Variants in SLC35D2 observed in about 807,000 individuals in gnomAD.
SLC35D2 encodes nucleotide sugar transporter SLC35D2.
SLC35D2 carries 43 observed loss-of-function variants against 41.8 expected under a neutral mutation model. That is an observed-to-expected ratio of 1.03 (90% CI 0.81 to 1.33). SLC35D2 has a LOEUF of 1.33. Ranked by LOEUF, SLC35D2 falls within the 40% of genes most tolerant of loss-of-function variation. The probability of loss-of-function intolerance (pLI) is 0.00; values close to 1 mark genes in which losing one functional copy is unlikely to be tolerated. For synonymous variants in SLC35D2, 150 were observed against 163.9 expected (o/e 0.92, Z 0.65); for missense variants, 380 against 408.4 (o/e 0.93, Z 0.60).
intron 6 of SLC35D2, among the ~76,000 whole-genome samples, chr9:96,350,346 C>CTTTTTTT (rs1564107383): frequency 4.6e-5 from 6 of 130,534 alleles, no homozygotes; most frequent in African/African-American, 2.0e-4. Flanking sequence ...AATTTTCTTT[C>CTTTTTTT]CTTTTTTTTT....
chr9:96,350,492 C>A (rs1456262119), intron 6 of SLC35D2, among the ~76,000 whole-genome samples: 1 of 151,766 alleles, frequency 6.6e-6, no homozygotes, highest in Non-Finnish European at 1.5e-5. Flanking sequence ...CCACACCCAG[C>A]CTGGAGCTAA....
chr9:96,354,569 C>T (rs1485016491), intron 4 of SLC35D2, among the ~76,000 whole-genome samples: 1 of 151,984 alleles, frequency 6.6e-6, no homozygotes, highest in East Asian at 1.9e-4. Context: ...GAGTTCAAGA[C>T]CAGCCTGGCC....
At chr9:96,383,191 C>T (rs1831281437) in intron 1 of SLC35D2, among the ~76,000 whole-genome samples, 1 of 152,148 alleles carries the variant, frequency 6.6e-6, no homozygotes, top group Admixed American at 6.5e-5. Flanking sequence ...TTTCAGCTCG[C>T]TGGGTGTATG....
intron 1 of SLC35D2, among the ~76,000 whole-genome samples, chr9:96,378,307 C>A (rs969238710): frequency 4.6e-5 from 7 of 151,760 alleles, no homozygotes; most frequent in Non-Finnish European, 1.0e-4. Context: ...ATGGTGTGCA[C>A]CTGCAGTCCC....
At chr9:96,361,960 A>T (rs922210268) in intron 3 of SLC35D2, among the ~76,000 whole-genome samples, 2 of 152,246 alleles carry the variant, frequency 1.3e-5, no homozygotes, top group Non-Finnish European at 2.9e-5. Context: ...CATGTACGCC[A>T]GGGTCCAACT....
At chr9:96,340,149 G>C (rs989511016) in intron 8 of SLC35D2, among the ~76,000 whole-genome samples, 4 of 152,070 alleles carry the variant, frequency 2.6e-5, no homozygotes, top group African/African-American at 9.7e-5. Flanking sequence ...CATTCAAAAG[G>C]GACCAATGGG....
Position 96,383,467 on chromosome 9 carries a change from C to T in SLC35D2, c.158+10G>A, listed in dbSNP as rs779370416. On this transcript the variant is annotated intron_variant, in intron 1 of 11. Transcript: ENST00000253270. ...TCCCGCAGACCCCCCGGCCCCGGGCCCCGCCTCACCCGTAGGTGGTCAGCA... is the reference window on the plus strand; with the variant it reads ...TCCCGCAGACCCCCCGGCCCCGGGCTCCGCCTCACCCGTAGGTGGTCAGCA... 1.3e-6 allele frequency: 2 copies of T among 1,530,092 alleles called. No homozygotes were observed. The highest frequency in any genetic ancestry group is 2.0e-5 in the Admixed American group (1 of 50,132). The allele number at this position is 1,530,092 out of a possible 1,614,324, so 94.8% of individuals were successfully genotyped here.
At chr9:96,379,366 T>TC (rs34183755) in intron 1 of SLC35D2, among the ~76,000 whole-genome samples, 1 of 151,808 alleles carries the variant, frequency 6.6e-6, no homozygotes, top group South Asian at 2.1e-4. Context: ...GCCCTTATTT[T>TC]CCCCTCTCGC....
chr9:96,333,508 T>C (rs1828905952), intron 9 of SLC35D2, among the ~76,000 whole-genome samples: 1 of 144,612 alleles, frequency 6.9e-6, no homozygotes, highest in Admixed American at 7.2e-5. Flanking sequence ...GGCAGGAGAA[T>C]GGCGTGAACT....
exon 12 of SLC35D2, chr9:96,314,552 A>C (rs1828005218): frequency 6.6e-6 from 1 of 152,158 alleles, no homozygotes; most frequent in Admixed American, 6.5e-5. Context: ...GAATACATGG[A>C]CACAGGGAGG....
Position 96,379,940 on chromosome 9 carries a change from C to G in SLC35D2, c.158+3537G>C, listed in dbSNP as rs141578593. Reference sequence around the variant, plus strand: ...TGAGACAGAGTCTCACTCTGTCACCCAGGCTGGAGTGCGATGGCGTGGTCT... The same window carrying G: ...TGAGACAGAGTCTCACTCTGTCACCGAGGCTGGAGTGCGATGGCGTGGTCT... On this transcript the variant is annotated intron_variant, in intron 1 of 11. Coordinates refer to ENST00000253270, the MANE Select transcript of SLC35D2 (RefSeq NM_007001.3). 2.8e-3 allele frequency among the ~76,000 whole-genome samples: 427 copies of G among 150,858 alleles called. 4 individuals are homozygous for G. Among genetic ancestry groups the G allele is most frequent in the Admixed American group, 4.8e-3 (72 of 15,084 alleles).
chr9:96,383,567 G>C lies in SLC35D2; in HGVS notation c.68C>G (p.Ser23Trp). ...GGEPGAARLP[S>W]RVARLLSALF... ...CGCCGACAGCAGCCGGGCCACCCGC[G>C]AGGGCAGCCGCGCCGCGCCGGGCTC... Residue 23 changes from serine (S) to tryptophan (W), a missense_variant, in exon 1 of 12, where the codon TCG (serine) becomes TGG (tryptophan). Ser to Trp is a radical substitution (Grantham distance 177). Transcript: ENST00000253270. 1 of 1,485,928 alleles carries C rather than the reference G, an allele frequency of 6.7e-7. No individual in the cohort carries two copies. The highest frequency in any genetic ancestry group is 8.9e-7 in the Non-Finnish European group (1 of 1,117,476). The allele number at this position is 1,485,928 out of a possible 1,614,324, so 92.0% of individuals were successfully genotyped here. A position where few individuals can be genotyped will look rare whatever the true frequency, so the allele number is the denominator to read the frequency against.
chr9:96,330,407 C>T (rs1404880844), intron 9 of SLC35D2, among the ~76,000 whole-genome samples: 1 of 152,182 alleles, frequency 6.6e-6, no homozygotes, highest in Non-Finnish European at 1.5e-5. Flanking sequence ...CTCCACAATT[C>T]CCCCTGCTTG....
At chr9:96,351,952 C>G (rs998973491) in intron 5 of SLC35D2, 86 bp downstream of exon 5, 1 of 772,442 alleles carries the variant, frequency 1.3e-6, no homozygotes, top group South Asian at 1.8e-5. Context: ...ATTATTGCAA[C>G]TAGCAATGGC....
chr9:96,365,389 A>T, intron 2 of SLC35D2, among the ~76,000 whole-genome samples: 1 of 151,922 alleles, frequency 6.6e-6, no homozygotes, highest in Non-Finnish European at 1.5e-5. Flanking sequence ...TATCCAATAG[A>T]CACACACACA....
At chr9:96,371,718 C>CTTTTTTTTTTT (rs774105070) in intron 1 of SLC35D2, among the ~76,000 whole-genome samples, 3 of 90,590 alleles carry the variant, frequency 3.3e-5, no homozygotes, top group African/African-American at 1.5e-4. Flanking sequence ...AACTAAATTT[C>CTTTTTTTTTTT]TTTTTTTTTT....
chr9:96,361,484 C>T (rs1830275721), intron 3 of SLC35D2, among the ~76,000 whole-genome samples: 1 of 152,070 alleles, frequency 6.6e-6, no homozygotes, highest in South Asian at 2.1e-4. Flanking sequence ...CCCAGGAGTT[C>T]AAGACCAGCC....
chr9:96,354,967 G>A (rs1337681677), intron 4 of SLC35D2, among the ~76,000 whole-genome samples: 1 of 151,240 alleles, frequency 6.6e-6, no homozygotes, highest in Non-Finnish European at 1.5e-5. Flanking sequence ...GGAGGCTGAA[G>A]TGGAAGAATT....
chr9:96,362,885 G>C (rs77871472), intron 3 of SLC35D2, among the ~76,000 whole-genome samples: 1 of 84,142 alleles, frequency 1.2e-5, no homozygotes, highest in African/African-American at 4.7e-5. Context: ...TTTTTTTTTT[G>C]AGATGGGGTC....
Sources: allele counts gnomAD v4.1 joint callset (sites outside exome capture counted in the v4.1 genomes callset), GRCh38; gene constraint gnomAD v4.1.1; transcripts MANE v1.5; gene names NCBI Gene and HGNC (gene_info 2026-07-23, HGNC 2026-07-21).